KAZN: variants seen among roughly 807,000 people sequenced by gnomAD.
KAZN encodes the protein kazrin, periplakin interacting protein, also known as kazrin.
KAZN carries 40 observed loss-of-function variants against 87.4 expected under a neutral mutation model. That is an observed-to-expected ratio of 0.46 (90% confidence interval 0.36 to 0.60). The LOEUF (loss-of-function observed/expected upper bound fraction) is 0.60. Among genes scored for constraint, KAZN ranks in the 20% least tolerant of loss-of-function variants. The probability of loss-of-function intolerance (pLI) is 0.00; values close to 1 mark genes in which losing one functional copy is unlikely to be tolerated. For synonymous variants in KAZN, 466 were observed against 458.3 expected (o/e 1.02, Z -0.22); for missense variants, 898 against 1,073.9 (o/e 0.84, Z 2.29).
At chr1:14,793,999 G>C (rs1446075864) in intron 1 of KAZN, among the ~76,000 whole-genome samples, 1 of 152,186 alleles carries the variant, frequency 6.6e-6, no homozygotes, top group Non-Finnish European at 1.5e-5. Flanking sequence ...GTAATCAAAA[G>C]TAACACCACA....
At position 14,528,358 on chromosome 1, in the gene KAZN, A is replaced by G. The variant is rs796968656; in HGVS notation, c.250-70625A>G. On this transcript the variant is annotated intron_variant, in intron 2 of 16. Transcript: ENST00000636203. ...ATCTCAAAAAAAAAAAAAAAAAAAA[A>G]AAAGAAAGAAAAAAAGGAAAATTAT... 5.2e-3 allele frequency among the ~76,000 whole-genome samples: 743 copies of G among 142,498 alleles called. 9 individuals are homozygous for G. The highest frequency in any genetic ancestry group is 0.017 in the African/African-American group (658 of 38,980). 93.5% of individuals were successfully genotyped at this position (142,498 alleles called of 152,430 possible).
At chr1:15,068,268 A>T (rs1333591630) in intron 8 of KAZN, 24 of 166,836 alleles carry the variant, frequency 1.4e-4, no homozygotes, top group Non-Finnish European at 2.7e-4. Flanking sequence ...GGGTTCTGGG[A>T]GGGGGGATGG....
At chr1:14,140,962 T>C (rs980786686) in intron 1 of KAZN, among the ~76,000 whole-genome samples, 1 of 152,086 alleles carries the variant, frequency 6.6e-6, no homozygotes, top group Non-Finnish European at 1.5e-5. Context: ...ATGAGTGGCA[T>C]GTGAACAACG....
intron 1 of KAZN, among the ~76,000 whole-genome samples, chr1:14,710,262 C>A (rs1227024091): frequency 6.6e-6 from 1 of 152,192 alleles, no homozygotes; most frequent in African/African-American, 2.4e-5. Context: ...CTTCTTCCAG[C>A]CACCATCAAC....
chr1:14,420,854 C>T (rs543207863), intron 2 of KAZN, among the ~76,000 whole-genome samples: 14 of 152,188 alleles, frequency 9.2e-5, no homozygotes, highest in Admixed American at 2.0e-4. Context: ...GGGAGCGCTG[C>T]GCACAGCCCC....
chr1:14,974,753 G>A (rs1441896247), intron 2 of KAZN, among the ~76,000 whole-genome samples: 2 of 152,206 alleles, frequency 1.3e-5, no homozygotes, highest in Non-Finnish European at 1.5e-5. Context: ...ACTAGAAAAT[G>A]CATGCTAATC....
chr1:14,428,165 G>A (rs1004376781), intron 2 of KAZN, among the ~76,000 whole-genome samples: 5 of 152,184 alleles, frequency 3.3e-5, no homozygotes, highest in Non-Finnish European at 5.9e-5. Context: ...TTGGTGAGAC[G>A]AAGTTAGCAC....
chr1:14,661,782 G>A (rs931127684), intron 1 of KAZN, among the ~76,000 whole-genome samples: 1 of 152,100 alleles, frequency 6.6e-6, no homozygotes, highest in Non-Finnish European at 1.5e-5. Context: ...TGAGCATGGT[G>A]GCACATACCT....
chr1:14,206,780 G>C (rs1371088399), intron 2 of KAZN, among the ~76,000 whole-genome samples: 1 of 145,616 alleles, frequency 6.9e-6, no homozygotes, highest in Non-Finnish European at 1.5e-5. Flanking sequence ...TCTTCAAATT[G>C]AGTTGTTGAT....
At chr1:13,907,426 G>A (rs533896019) in intron 1 of KAZN, among the ~76,000 whole-genome samples, 1 of 151,202 alleles carries the variant, frequency 6.6e-6, no homozygotes, top group African/African-American at 2.4e-5. Context: ...CAGCCCCGGG[G>A]TATGGGCCCA....
At chr1:14,455,405 G>A (rs1277523776) in intron 2 of KAZN, among the ~76,000 whole-genome samples, 1 of 152,110 alleles carries the variant, frequency 6.6e-6, no homozygotes, top group Non-Finnish European at 1.5e-5. Context: ...TTTCCATCCT[G>A]TATTACAGAA....
At chr1:14,495,087 T>C (rs540032075) in intron 2 of KAZN, among the ~76,000 whole-genome samples, 1 of 152,292 alleles carries the variant, frequency 6.6e-6, no homozygotes, top group East Asian at 1.9e-4. Context: ...TTCAGATAAA[T>C]ATTTAAACTT....
intron 1 of KAZN, among the ~76,000 whole-genome samples, chr1:14,166,277 T>G (rs1330001820): frequency 2.6e-5 from 4 of 152,226 alleles, no homozygotes; most frequent in Non-Finnish European, 5.9e-5. Flanking sequence ...ATTGTGCCAC[T>G]GCACTCCAGC....
At chr1:14,346,802 A>G (rs1658140744) in intron 2 of KAZN, among the ~76,000 whole-genome samples, 1 of 152,212 alleles carries the variant, frequency 6.6e-6, no homozygotes, top group South Asian at 2.1e-4. Flanking sequence ...GCACTATATA[A>G]TACCAAACAA....
chr1:14,760,806 C>G (rs1644719513), intron 1 of KAZN, among the ~76,000 whole-genome samples: 2 of 152,106 alleles, frequency 1.3e-5, no homozygotes, highest in Admixed American at 6.6e-5. Context: ...AAATAAAACC[C>G]AAACTTCCTA....
In KAZN at chr1:15,060,225, T is replaced by C. The variant is rs1321872502; in HGVS notation, c.970T>C (p.Ser324Pro). Residue 324 changes from serine (S) to proline (P), a missense_variant, in exon 6 of 15, where the codon TCT (serine) becomes CCT (proline). Coordinates refer to ENST00000376030, the MANE Select transcript of KAZN (RefSeq NM_201628.3). ...GCAGCCCTCTGTCATCTCCGACGCATCTGCCGCCGAAGGCGACCGGTCGTC... is the reference window on the plus strand; with the variant it reads ...GCAGCCCTCTGTCATCTCCGACGCACCTGCCGCCGAAGGCGACCGGTCGTC... ...SRQPSVISDA[S>P]AAEGDRSSTP... is the part of the protein sequence containing the mutation. The C allele has an allele frequency of 6.2e-7, 1 of 1,614,106 alleles. No individual in the cohort carries two copies. Among genetic ancestry groups the C allele is most frequent in the Non-Finnish European group, 8.5e-7 (1 of 1,180,046 alleles).
At chr1:13,898,827 C>A (rs550304910) in intron 1 of KAZN, among the ~76,000 whole-genome samples, 1 of 152,220 alleles carries the variant, frequency 6.6e-6, no homozygotes, top group Admixed American at 6.5e-5. Flanking sequence ...CAGCTGAACC[C>A]CTTTCCCTGC....
At chr1:15,012,638 A>T (rs953038687) in intron 2 of KAZN, among the ~76,000 whole-genome samples, 11 of 152,132 alleles carry the variant, frequency 7.2e-5, no homozygotes, top group African/African-American at 1.7e-4. Flanking sequence ...TAATGGGATC[A>T]TGGCCCGGCG....
At chr1:14,557,632 GT>G (rs1673975566) in intron 2 of KAZN, among the ~76,000 whole-genome samples, 159 of 22,752 alleles carry the variant, frequency 7.0e-3, no homozygotes, top group African/African-American at 0.025. Context: ...GTGTGTGGGT[GT>G]GTGTGTGTGT....
Sources: allele counts gnomAD v4.1 joint callset (sites outside exome capture counted in the v4.1 genomes callset), GRCh38; gene constraint gnomAD v4.1.1; transcripts MANE v1.5; gene names NCBI Gene and HGNC (gene_info 2026-07-23, HGNC 2026-07-21).